The following NAV2 variants were observed in gnomAD, a reference collection of about 807,000 sequenced individuals.
NAV2 encodes the protein helicase, APC down-regulated 1.
In NAV2, 54 loss-of-function variants were observed where a neutral mutation model predicts 223.2. The observed-to-expected ratio is 0.24, with a 90% CI of 0.19 to 0.30. NAV2 has a LOEUF of 0.30. Ranked by LOEUF, NAV2 falls within the 10% of genes least tolerant of loss-of-function variation. The pLI is 1.00. For missense variants in NAV2, 2,806 were observed against 3,147.5 expected (o/e 0.89, Z 2.60); for synonymous variants, 1,279 against 1,239.3 (o/e 1.03, Z -0.67).
intron 4 of NAV2, 125 bp downstream of exon 4, chr11:19,869,122 T>C (rs768134914): frequency 1.5e-5 from 14 of 903,592 alleles, no homozygotes; most frequent in Non-Finnish European, 2.4e-5. Flanking sequence ...TTTGTTTTCC[T>C]TTATGTTGCT....
intron 1 of NAV2, among the ~76,000 whole-genome samples, chr11:19,577,230 C>T (rs896544689): frequency 5.3e-5 from 8 of 152,232 alleles, no homozygotes; most frequent in African/African-American, 2.4e-5. Context: ...GTCCAACGTC[C>T]GTGTGTTGCT....
At chr11:19,591,351 C>G (rs2046053956) in intron 1 of NAV2, 2 of 152,184 alleles carry the variant, frequency 1.3e-5, no homozygotes, top group African/African-American at 4.8e-5. Context: ...TTGTCACGGT[C>G]CAGGATAGTT....
intron 1 of NAV2, among the ~76,000 whole-genome samples, chr11:19,622,494 C>T (rs2047028020): frequency 6.6e-6 from 1 of 152,108 alleles, no homozygotes; most frequent in Non-Finnish European, 1.5e-5. Flanking sequence ...TGAATTGATC[C>T]CTTTACCATT....
chr11:20,063,601 C>G (rs1172927254), intron 20 of NAV2, among the ~76,000 whole-genome samples: 1 of 152,076 alleles, frequency 6.6e-6, no homozygotes, highest in East Asian at 1.9e-4. Flanking sequence ...TCTTGAACTC[C>G]TGACCTCAAG....
At chr11:20,004,340 C>T (rs2052837123) in intron 11 of NAV2, among the ~76,000 whole-genome samples, 1 of 152,218 alleles carries the variant, frequency 6.6e-6, no homozygotes, top group African/African-American at 2.4e-5. Flanking sequence ...GTAATCCACA[C>T]CTTTTTTGTG....
chr11:20,028,767 G>A (rs80073688), intron 11 of NAV2, among the ~76,000 whole-genome samples: 185 of 152,282 alleles, frequency 1.2e-3, no homozygotes, highest in African/African-American at 4.3e-3. Context: ...GGCATATTTG[G>A]TAACGCTGTC....
chr11:19,966,607 T>G (rs963171392), intron 10 of NAV2, among the ~76,000 whole-genome samples: 2 of 152,192 alleles, frequency 1.3e-5, no homozygotes, highest in African/African-American at 4.8e-5. Context: ...CTCTTGTAAC[T>G]GAGCCTTTGC....
intron 12 of NAV2, among the ~76,000 whole-genome samples, chr11:20,037,865 T>C (rs1554914607): frequency 6.6e-6 from 1 of 152,128 alleles, no homozygotes. Flanking sequence ...TGAGGCTCAT[T>C]GTATATTCAA....
intron 1 of NAV2, among the ~76,000 whole-genome samples, chr11:19,369,470 T>A (rs1199436970): frequency 6.6e-6 from 1 of 152,228 alleles, no homozygotes; most frequent in African/African-American, 2.4e-5. Context: ...TTAATGTGAT[T>A]TCTTTTTAAA....
intron 1 of NAV2, among the ~76,000 whole-genome samples, chr11:19,764,104 C>T (rs1258326438): frequency 6.6e-6 from 1 of 152,216 alleles, no homozygotes; most frequent in African/African-American, 2.4e-5. Flanking sequence ...TGGATTGGCA[C>T]AGGACGAACA....
In NAV2 at chr11:19,675,946, C is replaced by A. The variant is rs568169958; in HGVS notation, c.76-156538C>A. ...TTATTTCAATTAATCCTTACAACAA[C>A]CCTAAGGGCAGATATGATTGTTATA... On this transcript the variant is annotated intron_variant, in intron 1 of 37. Transcript: ENST00000360655. 3.9e-4 allele frequency among the ~76,000 whole-genome samples: 59 copies of A among 152,282 alleles called. 1 individual carries two copies. The South Asian group carries it at 0.012, about 31-fold the overall frequency.
At position 19,431,373 on chromosome 11, in the gene NAV2, G is replaced by A. The variant is rs78011491; in HGVS notation, c.75+80346G>A. On this transcript the variant is annotated intron_variant, in intron 1 of 37. Coordinates refer to the NAV2 transcript ENST00000360655. ...TGCAGTGTACCCATCTTAGTGTGCC[G>A]CAGGAGGAGGTCCTGGGGGTGGGCA... Among the ~76,000 whole-genome samples the A allele has an allele frequency of 8.5e-5, 13 of 152,280 alleles. No individual in the cohort carries two copies. The South Asian group carries it at 1.7e-3, about 19-fold the overall frequency.
rs370488936 is a variant in NAV2 at position 19,561,716 on chromosome 11, A to G, written c.75+210689A>G. Among the ~76,000 whole-genome samples the G allele has an allele frequency of 5.3e-5, 8 of 152,278 alleles. 1 individual carries two copies. In the South Asian group the frequency reaches 1.7e-3, roughly 32 times the overall value. On this transcript the variant is annotated intron_variant, in intron 1 of 37. Coordinates refer to the NAV2 transcript ENST00000360655. ...GCCCTTCCTAAGATTTCTGCTTCTT[A>G]TACCACTTGGCATTGAATTCCTTGA...
intron 11 of NAV2, among the ~76,000 whole-genome samples, chr11:19,993,506 T>C (rs4757022): frequency 0.53 from 80,419 of 152,140 alleles, 23,970 homozygotes; most frequent in Middle Eastern, 0.67. Context: ...ACAGAAAATA[T>C]GTAGTGAACT....
rs144642336 is a variant in NAV2 at position 19,897,886 on chromosome 11, T to TTTTATATATATA, written c.931+5293_931+5294insTTATATATATAT. Among the ~76,000 whole-genome samples, 15 of 120,678 alleles carry TTTTATATATATA rather than the reference T, an allele frequency of 1.2e-4. 1 individual carries two copies. The highest frequency in any genetic ancestry group is 4.7e-4 in the African/African-American group (14 of 29,680). The allele number at this position is 120,678 out of a possible 152,430, so 79.2% of individuals were successfully genotyped here. A position where few individuals can be genotyped will look rare whatever the true frequency, so the allele number is the denominator to read the frequency against. The stretch of plus-strand genomic sequence containing the variant: ...GCCACAGCTGTGCCTGACCTGTGAT[T>TTTTATATATATA]TATATATATATATATATATGTGAGC... On this transcript the variant is annotated intron_variant, in intron 6 of 37. Coordinates refer to ENST00000349880, the MANE Select transcript of NAV2 (RefSeq NM_145117.5).
At chr11:19,889,130 T>C (rs542923754) in intron 5 of NAV2, among the ~76,000 whole-genome samples, 1 of 152,280 alleles carries the variant, frequency 6.6e-6, no homozygotes, top group South Asian at 2.1e-4. Context: ...TACTTAAAAG[T>C]TCAGTCTGAA....
At chr11:19,636,786 A>G (rs930433955) in intron 1 of NAV2, among the ~76,000 whole-genome samples, 6 of 152,130 alleles carry the variant, frequency 3.9e-5, no homozygotes, top group African/African-American at 1.4e-4. Flanking sequence ...TGCAGTCTTT[A>G]AGTCTTCCTT....
At chr11:19,511,407 G>A (rs2043274979) in intron 1 of NAV2, 1 of 152,272 alleles carries the variant, frequency 6.6e-6, no homozygotes, top group Non-Finnish European at 1.5e-5. Flanking sequence ...GCCTAATGTT[G>A]GAGAGGGGTG....
At chr11:19,607,360 G>A (rs2046506806) in intron 1 of NAV2, among the ~76,000 whole-genome samples, 1 of 152,204 alleles carries the variant, frequency 6.6e-6, no homozygotes, top group Non-Finnish European at 1.5e-5. Flanking sequence ...TAGGCCTGGG[G>A]ACCAGCTCTG....
Sources: allele counts gnomAD v4.1 joint callset (sites outside exome capture counted in the v4.1 genomes callset), GRCh38; gene constraint gnomAD v4.1.1; transcripts MANE v1.5; gene names NCBI Gene and HGNC (gene_info 2026-07-23, HGNC 2026-07-21).